NKAIN2: variants seen among roughly 807,000 people sequenced by gnomAD.
NKAIN2 encodes the protein sodium/potassium-transporting ATPase subunit beta-1-interacting protein 2.
In NKAIN2, 14 loss-of-function variants were observed where a neutral mutation model predicts 32.6. That is an observed-to-expected ratio of 0.43 (90% CI 0.28 to 0.67). The LOEUF (loss-of-function observed/expected upper bound fraction) is 0.67. NKAIN2 is among the 30% of genes least tolerant of loss of function. The pLI is 0.17. For missense variants in NKAIN2, 198 were observed against 258.3 expected (o/e 0.77, Z 1.60); for synonymous variants, 80 against 87.2 (o/e 0.92, Z 0.46).
At chr6:124,687,461 T>C (rs374734697) in intron 4 of NKAIN2, among the ~76,000 whole-genome samples, 2,136 of 45,244 alleles carry the variant, frequency 0.047, 120 homozygotes, top group African/African-American at 0.091. Flanking sequence ...ATATTCCATA[T>C]ATACACATAC....
rs190681101 is a variant in NKAIN2 at position 124,085,814 on chromosome 6, G to A, written c.55-197191G>A. On this transcript the variant is annotated intron_variant, in intron 1 of 6. Coordinates refer to ENST00000368417, the MANE Select transcript of NKAIN2 (RefSeq NM_001040214.3). The stretch of plus-strand genomic sequence containing the variant: ...TTGTAGTTGTGAATGAGATTATGAC[G>A]GCTTGGTAAATCTATATTTACTTAA... 5.8e-3 allele frequency among the ~76,000 whole-genome samples: 883 copies of A among 151,768 alleles called. 6 individuals carry two copies. Among genetic ancestry groups the A allele is most frequent in the African/African-American group, 0.02 (832 of 41,412 alleles).
At chr6:123,852,810 T>A (rs1207653668) in intron 1 of NKAIN2, among the ~76,000 whole-genome samples, 1 of 152,194 alleles carries the variant, frequency 6.6e-6, no homozygotes, top group African/African-American at 2.4e-5. Context: ...TATCCCTTCC[T>A]GAACTTTACT....
intron 1 of NKAIN2, among the ~76,000 whole-genome samples, chr6:124,105,330 G>C (rs920597003): frequency 2.0e-5 from 3 of 152,148 alleles, no homozygotes; most frequent in Non-Finnish European, 2.9e-5. Flanking sequence ...GGGTTCAGGG[G>C]CTGAAATGAT....
chr6:124,474,432 T>C (rs748254662), intron 3 of NKAIN2, among the ~76,000 whole-genome samples: 7 of 152,124 alleles, frequency 4.6e-5, no homozygotes, highest in Non-Finnish European at 8.8e-5. Context: ...ATATGTCTCA[T>C]TTGGAAGAAC....
At chr6:124,349,431 A>G (rs897351515) in intron 2 of NKAIN2, among the ~76,000 whole-genome samples, 1 of 147,444 alleles carries the variant, frequency 6.8e-6, no homozygotes, top group African/African-American at 2.4e-5. Context: ...TATCTGTGAT[A>G]TTGGTGAGCT....
chr6:124,730,202 A>T lies in NKAIN2; in HGVS notation c.475-61137A>T, dbSNP rs1434055722. ...AATGCCTTTTTTCACAGAATTGGAAAAAACTACTTTAAAGTTCATATGGAA... is the reference window on the plus strand; with the variant it reads ...AATGCCTTTTTTCACAGAATTGGAATAAACTACTTTAAAGTTCATATGGAA... On this transcript the variant is annotated intron_variant, in intron 4 of 6. Coordinates refer to ENST00000368417, the MANE Select transcript of NKAIN2 (RefSeq NM_001040214.3). 1.2e-4 allele frequency among the ~76,000 whole-genome samples: 11 copies of T among 91,406 alleles called. 4 individuals are homozygous for T. The Admixed American group carries it at 1.4e-3, about 12-fold the overall frequency. 60.0% of individuals were successfully genotyped at this position (91,406 alleles called of 152,430 possible).
At chr6:123,823,633 A>G (rs1327576514) in intron 1 of NKAIN2, among the ~76,000 whole-genome samples, 1 of 152,150 alleles carries the variant, frequency 6.6e-6, no homozygotes, top group Non-Finnish European at 1.5e-5. Flanking sequence ...ACAAGTGGGA[A>G]GCAAGAAGAG....
intron 1 of NKAIN2, among the ~76,000 whole-genome samples, chr6:124,279,760 G>A (rs1025865377): frequency 1.3e-5 from 2 of 151,820 alleles, no homozygotes; most frequent in African/African-American, 4.8e-5. Flanking sequence ...GATATAAAAG[G>A]ATAATGACAA....
intron 2 of NKAIN2, among the ~76,000 whole-genome samples, chr6:124,285,763 T>C (rs748391263): frequency 6.6e-6 from 1 of 152,134 alleles, no homozygotes; most frequent in East Asian, 1.9e-4. Flanking sequence ...CTCAAAAACT[T>C]AACTCCAATA....
At position 124,681,290 on chromosome 6, in the gene NKAIN2, C is replaced by CT. The variant is rs940597261; in HGVS notation, c.474+22911dup. On this transcript the variant is annotated intron_variant, in intron 4 of 6. Transcript: ENST00000368417. ...ATAAAACAGCAGGAATTTATTTTAA[C>CT]TTTTTTTAACATCTGTCTTCTATCC... is the stretch of plus-strand genomic sequence containing the variant. 1.2e-4 allele frequency among the ~76,000 whole-genome samples: 19 copies of CT among 152,088 alleles called. No homozygotes were observed. The South Asian group carries it at 2.5e-3, about 20-fold the overall frequency.
intron 3 of NKAIN2, among the ~76,000 whole-genome samples, chr6:124,518,452 G>A (rs768010142): frequency 3.9e-5 from 6 of 152,040 alleles, no homozygotes; most frequent in Admixed American, 6.6e-5. Context: ...GGCTTTACAG[G>A]CAGCATTGTG....
chr6:124,412,572 C>G (rs1774250960), intron 3 of NKAIN2, among the ~76,000 whole-genome samples: 1 of 152,172 alleles, frequency 6.6e-6, no homozygotes, highest in South Asian at 2.1e-4. Context: ...TGCGAGGTGT[C>G]AGTCTGCCCC....
At chr6:124,301,673 A>G (rs956984660) in intron 2 of NKAIN2, among the ~76,000 whole-genome samples, 2 of 152,222 alleles carry the variant, frequency 1.3e-5, no homozygotes, top group African/African-American at 4.8e-5. Context: ...TATGGAGTCA[A>G]AGGAAATCAT....
intron 2 of NKAIN2, among the ~76,000 whole-genome samples, chr6:124,296,967 C>T (rs1301201421): frequency 6.6e-6 from 1 of 152,206 alleles, no homozygotes; most frequent in Non-Finnish European, 1.5e-5. Context: ...AGCACTAAGA[C>T]ACTGAAGCAG....
At chr6:123,977,472 T>C (rs1374439998) in intron 1 of NKAIN2, among the ~76,000 whole-genome samples, 1 of 152,140 alleles carries the variant, frequency 6.6e-6, no homozygotes, top group East Asian at 1.9e-4. Context: ...GATTAAAATG[T>C]AAAGCTTACA....
rs190239561 is a variant in NKAIN2 at position 124,823,175 on chromosome 6, C to T, written c.618-45C>T. 7.7e-5 allele frequency: 108 copies of T among 1,406,182 alleles called. No homozygotes were observed. In the Admixed American group the frequency reaches 1.3e-3, roughly 17 times the overall value. 87.1% of individuals were successfully genotyped at this position (1,406,182 alleles called of 1,614,324 possible). ...AGAAAAGGTGGTGAGCAGCAGGCACCTGTCACTTTCCCCCTTGACTAAAAA... is the reference window on the plus strand; with the variant it reads ...AGAAAAGGTGGTGAGCAGCAGGCACTTGTCACTTTCCCCCTTGACTAAAAA... On this transcript the variant is annotated intron_variant, in intron 6 of 6. Coordinates refer to ENST00000368417, the MANE Select transcript of NKAIN2 (RefSeq NM_001040214.3).
intron 3 of NKAIN2, among the ~76,000 whole-genome samples, chr6:124,531,556 T>G (rs1779526225): frequency 6.6e-6 from 1 of 152,226 alleles, no homozygotes; most frequent in Non-Finnish European, 1.5e-5. Flanking sequence ...AATGCTGGCC[T>G]TGTAAAAATG....
chr6:124,342,278 G>A (rs530108905), intron 2 of NKAIN2, among the ~76,000 whole-genome samples: 91 of 151,242 alleles, frequency 6.0e-4, no homozygotes, highest in Admixed American at 1.1e-3. Context: ...GCGTGGTGGT[G>A]GGCACCTGTA....
rs533709432 is a variant in NKAIN2 at position 123,809,588 on chromosome 6, A to C, written c.54+5334A>C. ...TTCATATTTTGTAATACTGCTGTGC[A>C]CATGTGCGCACGTAATAAATTTGTT... On this transcript the variant is annotated intron_variant, in intron 1 of 6. Transcript: ENST00000368417. Among the ~76,000 whole-genome samples the C allele has an allele frequency of 4.5e-4, 69 of 152,256 alleles. 1 individual carries two copies. The highest frequency in any genetic ancestry group is 3.4e-3 in the Middle Eastern group (1 of 294).
Sources: gnomAD v4.1 joint callset for allele counts (sites outside exome capture counted in the v4.1 genomes callset) on GRCh38, gnomAD v4.1.1 for gene constraint, MANE v1.5 for transcripts, NCBI Gene and HGNC (gene_info 2026-07-23, HGNC 2026-07-21) for gene names.